Variants in MDGA2 observed in about 807,000 individuals in gnomAD.
MDGA2 encodes the protein MAM domain-containing glycosylphosphatidylinositol anchor protein 2.
MDGA2 carries 40 observed loss-of-function variants against 117.8 expected under a neutral mutation model. The observed-to-expected ratio is 0.34, with a 90% CI of 0.26 to 0.44. MDGA2 has a LOEUF of 0.44. Ranked by LOEUF, MDGA2 falls within the 20% of genes least tolerant of loss-of-function variation. The pLI is 1.00. For synonymous variants in MDGA2, 452 were observed against 439.0 expected, an observed-to-expected ratio of 1.03 and a Z score of -0.37; for missense variants, 1,123 against 1,250.6, an observed-to-expected ratio of 0.90 and a Z score of 1.54.
At chr14:47,300,995 C>A (rs781597996) in intron 2 of MDGA2, among the ~76,000 whole-genome samples, 21 of 152,050 alleles carry the variant, frequency 1.4e-4, no homozygotes, top group Non-Finnish European at 2.5e-4. Context: ...CCTCATGCTT[C>A]ACATTCTTCA....
chr14:46,953,871 G>A (rs1245083126), intron 9 of MDGA2, among the ~76,000 whole-genome samples: 1 of 152,006 alleles, frequency 6.6e-6, no homozygotes, highest in Non-Finnish European at 1.5e-5. Flanking sequence ...TTTTGCTGCA[G>A]ATTGCCTGTA....
chr14:47,466,594 T>C (rs1294208026), intron 1 of MDGA2, among the ~76,000 whole-genome samples: 1 of 152,096 alleles, frequency 6.6e-6, no homozygotes, highest in Non-Finnish European at 1.5e-5. Flanking sequence ...GGGATGTCCA[T>C]GGGATAACTT....
At chr14:47,186,755 C>G (rs1884926940) in intron 3 of MDGA2, among the ~76,000 whole-genome samples, 1 of 151,926 alleles carries the variant, frequency 6.6e-6, no homozygotes, top group African/African-American at 2.4e-5. Flanking sequence ...GTAATTTAAT[C>G]CTTCTCAAAT....
At chr14:47,440,144 A>G (rs1333357516) in intron 1 of MDGA2, among the ~76,000 whole-genome samples, 1 of 151,982 alleles carries the variant, frequency 6.6e-6, no homozygotes, top group African/African-American at 2.4e-5. Context: ...TGTCGGCTCC[A>G]GTGTCTCACT....
chr14:47,064,559 T>A (rs1377812818), intron 6 of MDGA2, among the ~76,000 whole-genome samples: 1 of 152,176 alleles, frequency 6.6e-6, no homozygotes, highest in Middle Eastern at 3.4e-3. Flanking sequence ...TAGGTCTGGG[T>A]ACATTGAGAA....
At chr14:46,933,264 CA>C (rs1371485174) in intron 9 of MDGA2, among the ~76,000 whole-genome samples, 1 of 151,690 alleles carries the variant, frequency 6.6e-6, no homozygotes, top group Non-Finnish European at 1.5e-5. Flanking sequence ...ACTTTACTCA[CA>C]AAATTAATTA....
chr14:46,978,095 A>G (rs961973160), intron 8 of MDGA2, among the ~76,000 whole-genome samples: 4 of 151,916 alleles, frequency 2.6e-5, no homozygotes, highest in African/African-American at 9.7e-5. Context: ...TGTTCTAGGT[A>G]TAATAGTTTC....
intron 1 of MDGA2, among the ~76,000 whole-genome samples, chr14:47,623,466 C>A (rs1423896648): frequency 2.0e-5 from 3 of 152,078 alleles, no homozygotes; most frequent in Non-Finnish European, 4.4e-5. Flanking sequence ...AGGTCACATA[C>A]AATATCTAAT....
intron 1 of MDGA2, among the ~76,000 whole-genome samples, chr14:47,448,122 A>G (rs995674565): frequency 6.3e-5 from 5 of 79,504 alleles, no homozygotes; most frequent in Admixed American, 2.6e-4. Context: ...TTTGAGGCCT[A>G]CTTTATTTAT....
intron 1 of MDGA2, among the ~76,000 whole-genome samples, chr14:47,504,513 C>T (rs765320823): frequency 2.6e-5 from 4 of 151,824 alleles, no homozygotes; most frequent in East Asian, 1.9e-4. Flanking sequence ...TCCGAAGTCT[C>T]GAGAATGTCT....
intron 7 of MDGA2, among the ~76,000 whole-genome samples, chr14:47,049,777 A>G (rs1477495562): frequency 6.6e-6 from 1 of 151,968 alleles, no homozygotes; most frequent in African/African-American, 2.4e-5. Context: ...CTCTTTTCAC[A>G]TATTTTTGGT....
chr14:47,216,871 A>G (rs1886108553), intron 3 of MDGA2, among the ~76,000 whole-genome samples: 1 of 152,038 alleles, frequency 6.6e-6, no homozygotes, highest in Non-Finnish European at 1.5e-5. Context: ...ATAATAAGGA[A>G]AGGGTGGTAC....
intron 1 of MDGA2, among the ~76,000 whole-genome samples, chr14:47,663,776 AACT>A (rs2138298385): frequency 6.6e-6 from 1 of 152,294 alleles, no homozygotes; most frequent in African/African-American, 2.4e-5. Context: ...TTTATGTATT[AACT>A]ACCAATTATA....
intron 8 of MDGA2, among the ~76,000 whole-genome samples, chr14:47,017,089 A>C (rs1033166353): frequency 1.3e-4 from 20 of 151,684 alleles, no homozygotes; most frequent in African/African-American, 4.6e-4. Context: ...CTTGGTTTCC[A>C]TTTGTGTTTA....
At chr14:47,057,061 A>T (rs1346619002) in intron 7 of MDGA2, among the ~76,000 whole-genome samples, 1 of 152,112 alleles carries the variant, frequency 6.6e-6, no homozygotes, top group Non-Finnish European at 1.5e-5. Flanking sequence ...AAACCAATAT[A>T]ATTTGCTTAT....
intron 1 of MDGA2, among the ~76,000 whole-genome samples, chr14:47,308,519 T>C (rs1386975328): frequency 6.8e-6 from 1 of 147,308 alleles, no homozygotes; most frequent in Non-Finnish European, 1.5e-5. Context: ...TTTTTTTTTT[T>C]TTTACAAATT....
chr14:46,939,764 G>A (rs888190142), intron 9 of MDGA2, among the ~76,000 whole-genome samples: 17 of 152,130 alleles, frequency 1.1e-4, no homozygotes, highest in African/African-American at 3.9e-4. Context: ...ACAGACTAAA[G>A]TGAAGATTAG....
intron 10 of MDGA2, among the ~76,000 whole-genome samples, chr14:46,883,166 T>C (rs1882531527): frequency 2.6e-5 from 4 of 152,104 alleles, no homozygotes; most frequent in Admixed American, 2.6e-4. Context: ...AAGAAAAACT[T>C]ATGTATACAA....
At chr14:47,471,092 C>T (rs913471476) in intron 1 of MDGA2, among the ~76,000 whole-genome samples, 1 of 152,008 alleles carries the variant, frequency 6.6e-6, no homozygotes, top group African/African-American at 2.4e-5. Flanking sequence ...TTAGTGTCCT[C>T]AAATATTGTG....
Sources: gnomAD v4.1 joint callset for allele counts (sites outside exome capture counted in the v4.1 genomes callset) on GRCh38, gnomAD v4.1.1 for gene constraint, MANE v1.5 for transcripts, NCBI Gene and HGNC (gene_info 2026-07-23, HGNC 2026-07-21) for gene names.